PPL: variants seen among roughly 807,000 people sequenced by gnomAD.
PPL encodes the protein 190 kDa paraneoplastic pemphigus antigen.
Under a neutral mutation model 194.4 loss-of-function variants are expected in PPL, and 198 were observed. The observed-to-expected ratio is 1.02, with a 90% CI of 0.91 to 1.15. PPL has a LOEUF of 1.15. PPL is among the 50% of genes most tolerant of loss of function. PPL has a pLI of 0.00. For missense variants in PPL, 2,885 were observed against 2,294.8 expected, an observed-to-expected ratio of 1.26 and a Z score of -5.25; for synonymous variants, 1,220 against 972.4, an observed-to-expected ratio of 1.25 and a Z score of -4.74.
chr16:4,910,410 GGGGA>G (rs1302754999), intron 2 of PPL, among the ~76,000 whole-genome samples: 1 of 152,196 alleles, frequency 6.6e-6, no homozygotes, highest in Non-Finnish European at 1.5e-5. Flanking sequence ...TCTCGTTCAT[GGGGA>G]GGTGGGATGG....
In PPL at chr16:4,890,223, G is replaced by A. The variant is rs370775689; in HGVS notation, c.2274C>T (p.Asp758=). 3.0e-5 allele frequency: 49 copies of A among 1,614,070 alleles called. No homozygotes were observed. The highest frequency in any genetic ancestry group is 4.0e-5 in the Non-Finnish European group (47 of 1,180,036). ...SIPSYEPQET[D]SLSQMETKLK... is the part of the protein sequence containing the mutation. ...GCTTGGTCTCCATCTGGCTGAGGCT[G>A]TCTGTCTCCTGGGGCTCGTAACTGG... The change falls in exon 18 of 22, where the codon GAC becomes GAT. Residue 758 remains aspartate (D), a synonymous_variant. Coordinates refer to ENST00000345988, the MANE Select transcript of PPL (RefSeq NM_002705.5).
At chr16:4,899,510 A>AGGACAAGCCCAGCTATGGGTGGCCTGG in intron 6 of PPL, 126 bp from the exon 7 acceptor site, 1 of 1,270,746 alleles carries the variant, frequency 7.9e-7, no homozygotes, top group Non-Finnish European at 1.1e-6. Flanking sequence ...GGGTGGCCTG[A>AGGACAAGCCCAGCTATGGGTGGCCTGG]GGACAAGCCC....
chr16:4,888,704 T>A (rs554944328), intron 19 of PPL: 1 of 467,292 alleles, frequency 2.1e-6, no homozygotes, highest in South Asian at 3.8e-5. Context: ...CAATGTTGTT[T>A]ATCCTGCATT....
chr16:4,895,214 C>T (rs779780984), intron 11 of PPL, 47 bp downstream of exon 11: 1 of 1,538,862 alleles, frequency 6.5e-7, no homozygotes, highest in South Asian at 1.2e-5. Flanking sequence ...ACCATGTTAC[C>T]CCAAAAACTT....
intron 19 of PPL, 84 bp downstream of exon 19, chr16:4,888,894 C>A: frequency 7.4e-7 from 1 of 1,350,014 alleles, no homozygotes; most frequent in Non-Finnish European, 1.1e-6. Context: ...TGTGCCAGGG[C>A]CGGTGCTTGC....
chr16:4,886,178 T>A, intron 21 of PPL, 131 bp from the exon 22 acceptor site: 1 of 1,145,176 alleles, frequency 8.7e-7, no homozygotes, highest in Non-Finnish European at 1.2e-6. Context: ...ATGTTAGTTG[T>A]AGAGTTCTAG....
At chr16:4,912,991 C>G (rs2142390849) in intron 1 of PPL, among the ~76,000 whole-genome samples, 1 of 152,198 alleles carries the variant, frequency 6.6e-6, no homozygotes, top group East Asian at 1.9e-4. Context: ...GTAGTCCCAG[C>G]TACTCGGGAG....
intron 6 of PPL, among the ~76,000 whole-genome samples, chr16:4,899,719 G>A (rs1205641158): frequency 6.6e-6 from 1 of 152,160 alleles, no homozygotes; most frequent in Admixed American, 6.5e-5. Flanking sequence ...GGCTTAGTTC[G>A]CCCATCTGTA....
At chr16:4,908,274 C>G (rs1360496518) in intron 2 of PPL, among the ~76,000 whole-genome samples, 1 of 152,030 alleles carries the variant, frequency 6.6e-6, no homozygotes, top group Admixed American at 6.6e-5. Flanking sequence ...AGGAGGATGG[C>G]TTGAGGCCAG....
At chr16:4,889,268 T>TTTTTTTTTTTTTTTTTTTTTTTC (rs2088277946) in intron 18 of PPL, among the ~76,000 whole-genome samples, 1 of 92,894 alleles carries the variant, frequency 1.1e-5, no homozygotes, top group Non-Finnish European at 2.3e-5. Context: ...TTTTTTTTTT[T>TTTTTTTTTTTTTTTTTTTTTTTC]TTTTTTGAGA....
Position 4,885,071 on chromosome 16 carries a change from A to G in PPL, c.3584T>C (p.Leu1195Pro). 2 of 1,613,586 alleles carry G rather than the reference A, an allele frequency of 1.2e-6. No individual in the cohort carries two copies. Among genetic ancestry groups the G allele is most frequent in the Non-Finnish European group, 8.5e-7 (1 of 1,179,976 alleles). ...CCGGTACTTTCGCTCCTGCTCCACAAGCTCCAGGCGGAGGTTCGCCACTTC... is the reference window on the plus strand; with the variant it reads ...CCGGTACTTTCGCTCCTGCTCCACAGGCTCCAGGCGGAGGTTCGCCACTTC... Reference protein sequence around the residue: ...ESEVANLRLELVEQERKYRGA... With the variant: ...ESEVANLRLEPVEQERKYRGA... Residue 1195 changes from leucine (L) to proline (P), a missense_variant, in exon 22 of 22, where the codon CTT becomes CCT. Coordinates refer to ENST00000345988, the MANE Select transcript of PPL (RefSeq NM_002705.5). This position sits in a 1 kb window ranked among gnomAD's most constrained non-coding sequence, Gnocchi z 6.3.
At chr16:4,887,431 G>A (rs1050208738) in intron 20 of PPL, among the ~76,000 whole-genome samples, 52 of 152,130 alleles carry the variant, frequency 3.4e-4, no homozygotes, top group African/African-American at 1.2e-3. Context: ...ATCCAGGCCA[G>A]GGTCTTGGCC....
chr16:4,885,538 G>A lies in PPL; in HGVS notation c.3117C>T (p.Ala1039=), dbSNP rs762052371. 1.4e-5 allele frequency: 22 copies of A among 1,610,474 alleles called. No homozygotes were observed. Among genetic ancestry groups the A allele is most frequent in the African/African-American group, 6.7e-5 (5 of 74,872 alleles). ...CCCGGCTCTTCTCTTCAGCCAGGGC[G>A]GCCACACGCTGCTGCAGGAGGAGCA... ...AEVLLLQQRV[A]ALAEEKSRAQ... is the part of the protein sequence containing the mutation. Residue 1039 remains alanine (A), a synonymous_variant, in exon 22 of 22, where the codon GCC becomes GCT. Coordinates refer to ENST00000345988, the MANE Select transcript of PPL (RefSeq NM_002705.5). The surrounding 1 kb of genome is among the most constrained non-coding windows in gnomAD (Gnocchi z 6.3).
chr16:4,901,072 C>G lies in PPL; in HGVS notation c.456G>C (p.Gln152His). ...CCAGCGGCAGGTCAGTCCCAAAGCT[C>G]TGGTTGTTCAGCTTGTCCTGGCCAG... is the stretch of plus-strand genomic sequence containing the variant. ...VEEKLDKLNN[Q>H]SFGTDLPLVD... is the part of the protein sequence containing the mutation. The change falls in exon 5 of 22, where the codon CAG becomes CAC. Residue 152 changes from glutamine (Q) to histidine (H), a missense_variant. Coordinates refer to ENST00000345988, the MANE Select transcript of PPL (RefSeq NM_002705.5). 6.2e-7 allele frequency: 1 copy of G among 1,614,188 alleles called. No homozygotes were observed. Among genetic ancestry groups the G allele is most frequent in the Non-Finnish European group, 8.5e-7 (1 of 1,180,034 alleles).
chr16:4,897,654 A>T, intron 9 of PPL, 21 bp downstream of exon 9: 1 of 1,594,710 alleles, frequency 6.3e-7, no homozygotes, highest in Non-Finnish European at 8.6e-7. Context: ...TGCTGGGGGG[A>T]CTCCCAGGAA....
At chr16:4,893,103 A>C in intron 14 of PPL, 110 bp downstream of exon 14, 1 of 1,302,558 alleles carries the variant, frequency 7.7e-7, no homozygotes, top group Non-Finnish European at 1.0e-6. Context: ...CCTGACAGAC[A>C]GCTGCAGTGA....
At chr16:4,922,082 T>C (rs561254897) in intron 1 of PPL, among the ~76,000 whole-genome samples, 2 of 152,316 alleles carry the variant, frequency 1.3e-5, no homozygotes, top group African/African-American at 4.8e-5. Flanking sequence ...TGGCACTTTC[T>C]TTCAGCTGGA....
intron 14 of PPL, chr16:4,892,974 C>T (rs1429308955): frequency 1.9e-5 from 9 of 476,098 alleles, no homozygotes; most frequent in Non-Finnish European, 3.2e-5. Context: ...TGCCAGGCGT[C>T]AGATCGACAA....
At chr16:4,935,166 G>C (rs955660906) in intron 1 of PPL, among the ~76,000 whole-genome samples, 1 of 152,186 alleles carries the variant, frequency 6.6e-6, no homozygotes, top group African/African-American at 2.4e-5. Context: ...CCCAGTCCCT[G>C]CAGCTATAAA....
Sources: gnomAD v4.1 joint callset for allele counts (sites outside exome capture counted in the v4.1 genomes callset) on GRCh38, gnomAD v4.1.1 for gene constraint, Gnocchi (gnomAD v3.1) non-coding constraint, MANE v1.5 for transcripts, NCBI Gene and HGNC (gene_info 2026-07-23, HGNC 2026-07-21) for gene names.